The following GRIK3 variants were observed in gnomAD, a reference collection of about 807,000 sequenced individuals.
The protein encoded by GRIK3 is glutamate receptor ionotropic, kainate 3.
A neutral mutation model predicts 102.5 loss-of-function variants in GRIK3; 29 were observed. That is an observed-to-expected ratio of 0.28 (90% CI 0.21 to 0.39). The LOEUF is 0.39. Among genes scored for constraint, GRIK3 ranks in the 10% least tolerant of loss-of-function variants. GRIK3 has a pLI of 1.00. For synonymous variants in GRIK3, 511 were observed against 504.9 expected (o/e 1.01, Z -0.16); for missense variants, 908 against 1,252.4 (o/e 0.73, Z 4.15).
chr1:36,983,935 T>C (rs1191193802), intron 1 of GRIK3, among the ~76,000 whole-genome samples: 3 of 152,116 alleles, frequency 2.0e-5, no homozygotes, highest in Non-Finnish European at 2.9e-5. Context: ...TGCCCACCCA[T>C]GGGGGTGGGG....
chr1:37,001,634 T>G (rs2124032888), intron 1 of GRIK3, among the ~76,000 whole-genome samples: 2 of 152,216 alleles, frequency 1.3e-5, no homozygotes, highest in Admixed American at 1.3e-4. Flanking sequence ...TGGATCCTCC[T>G]CCTTGCCAAA....
Position 37,031,396 on chromosome 1 carries a change from T to C in GRIK3, c.115+2598A>G, listed in dbSNP as rs1026080532. ...AAGACAGAGCAATGCAATTCATCTA[T>C]TCAAGACGGATTGTTTGAACACTCT... is the stretch of plus-strand genomic sequence containing the variant. On this transcript the variant is annotated intron_variant, in intron 1 of 15. Coordinates refer to ENST00000373091, the MANE Select transcript of GRIK3 (RefSeq NM_000831.4). Among the ~76,000 whole-genome samples the C allele has an allele frequency of 2.0e-5, 3 of 152,372 alleles. No homozygotes were observed. The East Asian group carries it at 5.8e-4, about 29-fold the overall frequency.
intron 1 of GRIK3, among the ~76,000 whole-genome samples, chr1:36,948,535 G>A (rs1335450952): frequency 1.3e-5 from 2 of 152,192 alleles, no homozygotes; most frequent in Non-Finnish European, 2.9e-5. Context: ...GGCAACCCCT[G>A]CCTCCATGCA....
chr1:37,011,271 C>G (rs74579562), intron 1 of GRIK3, among the ~76,000 whole-genome samples: 1 of 152,168 alleles, frequency 6.6e-6, no homozygotes, highest in Non-Finnish European at 1.5e-5. Context: ...TGTCTTGTAA[C>G]ATTGTTGTGA....
At position 36,957,165 on chromosome 1, in the gene GRIK3, A is replaced by C. The variant is rs542584460; in HGVS notation, c.116-66069T>G. ...TGGCTGATTGGGGGCCTGTGCTCTT[A>C]TCAATAGAGAGAGAGGGACATGTGT... On this transcript the variant is annotated intron_variant, in intron 1 of 15. Coordinates refer to ENST00000373091, the MANE Select transcript of GRIK3 (RefSeq NM_000831.4). Among the ~76,000 whole-genome samples, 53 of 152,348 alleles carry C rather than the reference A, an allele frequency of 3.5e-4. No homozygotes were observed. In the South Asian group the frequency reaches 0.01, roughly 29 times the overall value.
Position 36,859,993 on chromosome 1 carries a change from G to T in GRIK3, c.811C>A (p.Pro271Thr). Residue 271 changes from proline to threonine, a missense_variant, in exon 6 of 16, where the codon CCC (proline) becomes ACC (threonine). Coordinates refer to ENST00000373091, the MANE Select transcript of GRIK3 (RefSeq NM_000831.4). ...TLDLYALDLE[P>T]YRYSGVNLTG... is the part of the protein sequence containing the mutation. ...AGGTTCACGCCTGAGTAGCGGTAGG[G>T]CTCCAGGTCTAAAGCGTAGAGATCC... 1.2e-6 allele frequency: 2 copies of T among 1,607,060 alleles called. No homozygotes were observed. The highest frequency in any genetic ancestry group is 2.7e-5 in the African/African-American group (2 of 74,766).
intron 1 of GRIK3, among the ~76,000 whole-genome samples, chr1:36,942,532 C>T (rs939247310): frequency 1.3e-5 from 2 of 152,178 alleles, no homozygotes; most frequent in African/African-American, 2.4e-5. Flanking sequence ...TGTTCCCTTG[C>T]CTGCAGCTGG....
rs1166471337 is a variant in GRIK3, at chr1:36,820,570, G to T, written c.1755-716C>A. On this transcript the variant is annotated intron_variant, in intron 11 of 15. Coordinates refer to ENST00000373091, the MANE Select transcript of GRIK3 (RefSeq NM_000831.4). ...ATCAAAATAGCAGAAGGAATTTCAG[G>T]AGCCTATTGCTCTATCTGCATTACA... is the stretch of plus-strand genomic sequence containing the variant. Among the ~76,000 whole-genome samples the T allele has an allele frequency of 2.6e-5, 4 of 152,112 alleles. No individual in the cohort carries two copies. In the South Asian group the frequency reaches 8.3e-4, roughly 32 times the overall value.
intron 1 of GRIK3, among the ~76,000 whole-genome samples, chr1:37,026,931 G>T (rs1270461042): frequency 6.6e-6 from 1 of 151,998 alleles, no homozygotes; most frequent in Non-Finnish European, 1.5e-5. Context: ...TAGAATCAAT[G>T]AAATATATTA....
chr1:36,954,571 G>A (rs924273208), intron 1 of GRIK3, among the ~76,000 whole-genome samples: 1 of 152,184 alleles, frequency 6.6e-6, no homozygotes, highest in South Asian at 2.1e-4. Context: ...GGGTGGGGAC[G>A]GGGGCTGAGG....
intron 1 of GRIK3, among the ~76,000 whole-genome samples, chr1:36,971,155 G>A (rs1407901471): frequency 6.6e-6 from 1 of 152,188 alleles, no homozygotes; most frequent in African/African-American, 2.4e-5. Flanking sequence ...CCTGGTTCTG[G>A]TAGGGCTGTC....
At chr1:36,968,135 G>A (rs1052812161) in intron 1 of GRIK3, among the ~76,000 whole-genome samples, 15 of 152,046 alleles carry the variant, frequency 9.9e-5, no homozygotes, top group Admixed American at 2.0e-4. Context: ...ATCCCTGGAA[G>A]CTTTTACCAT....
Position 36,850,475 on chromosome 1 carries a change from C to T in GRIK3, c.1213-51G>A. On this transcript the variant is annotated intron_variant, in intron 8 of 15. Transcript: ENST00000373091. The surrounding 1 kb of genome is among the most constrained non-coding windows in gnomAD (Gnocchi z 4.0). ...GGTGCCGAGTCCTTGGTCTACCCAT[C>T]TTCCTCCATATCGACAAGACCTTCA... is the stretch of plus-strand genomic sequence containing the variant. 1 of 1,053,790 alleles carries T rather than the reference C, an allele frequency of 9.5e-7. No individual in the cohort carries two copies. Among genetic ancestry groups the T allele is most frequent in the Non-Finnish European group, 1.5e-6 (1 of 669,644 alleles). The allele number at this position is 1,053,790 out of a possible 1,614,324, so 65.3% of individuals were successfully genotyped here. A position where few individuals can be genotyped will look rare whatever the true frequency, so the allele number is the denominator to read the frequency against.
At chr1:36,829,391 T>C (rs995594043) in intron 10 of GRIK3, among the ~76,000 whole-genome samples, 2 of 151,724 alleles carry the variant, frequency 1.3e-5, no homozygotes, top group East Asian at 1.9e-4. Context: ...TCCAACCCCA[T>C]GGTTTTTATT....
At chr1:36,908,344 T>A (rs561082455) in intron 1 of GRIK3, among the ~76,000 whole-genome samples, 1 of 152,298 alleles carries the variant, frequency 6.6e-6, no homozygotes, top group African/African-American at 2.4e-5. Context: ...CTGGACCTCA[T>A]TAACTGCTAA....
intron 1 of GRIK3, among the ~76,000 whole-genome samples, chr1:36,900,859 T>G (rs1217351669): frequency 1.3e-5 from 2 of 152,036 alleles, no homozygotes; most frequent in South Asian, 2.1e-4. Flanking sequence ...GTATCAGAAG[T>G]GAAAGAGGGG....
chr1:36,970,742 A>G (rs1570835160), intron 1 of GRIK3, among the ~76,000 whole-genome samples: 1 of 152,272 alleles, frequency 6.6e-6, no homozygotes, highest in East Asian at 1.9e-4. Context: ...ATTGCTGGTC[A>G]TGGGTCTGCC....
intron 1 of GRIK3, among the ~76,000 whole-genome samples, chr1:36,927,017 C>T (rs1231831292): frequency 6.6e-6 from 1 of 152,236 alleles, no homozygotes; most frequent in Admixed American, 6.5e-5. Flanking sequence ...TCCCCAGGTA[C>T]TGCCTGAATT....
chr1:36,946,766 T>C (rs1641789128), intron 1 of GRIK3, among the ~76,000 whole-genome samples: 1 of 152,162 alleles, frequency 6.6e-6, no homozygotes, highest in Non-Finnish European at 1.5e-5. Context: ...ATCATGGTGC[T>C]GCTCATACAC....
Sources: gnomAD v4.1 joint callset for allele counts (sites outside exome capture counted in the v4.1 genomes callset) on GRCh38, gnomAD v4.1.1 for gene constraint, Gnocchi (gnomAD v3.1) non-coding constraint, MANE v1.5 for transcripts, NCBI Gene and HGNC (gene_info 2026-07-23, HGNC 2026-07-21) for gene names.